Variants in SAMM50 observed in about 807,000 individuals in gnomAD.
The protein encoded by SAMM50 is SAMM50 sorting and assembly machinery component, also known as sorting and assembly machinery component 50 homolog.
Under a neutral mutation model 66.9 loss-of-function variants are expected in SAMM50, and 47 were observed. The ratio of observed to expected loss-of-function variants is 0.70; its 90% CI spans 0.56 to 0.90. The LOEUF is 0.90. SAMM50 is among the 40% of genes least tolerant of loss of function. The pLI, the probability that SAMM50 is intolerant of heterozygous loss-of-function variation, is 0.00. For missense variants in SAMM50, 535 were observed against 595.3 expected (o/e 0.90, Z 1.05); for synonymous variants, 191 against 214.1 (o/e 0.89, Z 0.94).
At chr22:43,990,173 C>T in intron 13 of SAMM50, 92 bp from the exon 14 acceptor site, 2 of 1,505,328 alleles carry the variant, frequency 1.3e-6, no homozygotes, top group Non-Finnish European at 1.8e-6. Flanking sequence ...ACTGCAGGGC[C>T]CAGCCAGGGG....
chr22:43,965,148 C>G (rs1469396933), intron 3 of SAMM50, among the ~76,000 whole-genome samples: 2 of 145,916 alleles, frequency 1.4e-5, no homozygotes, highest in African/African-American at 5.2e-5. Flanking sequence ...GACCTTGCAG[C>G]AGCAGCAGTG....
At chr22:43,962,879 T>A (rs1202283973) in intron 1 of SAMM50, among the ~76,000 whole-genome samples, 3 of 144,034 alleles carry the variant, frequency 2.1e-5, no homozygotes, top group Non-Finnish European at 3.0e-5. Flanking sequence ...CCCTTTTGGT[T>A]AATTTTTTTT....
intron 1 of SAMM50, among the ~76,000 whole-genome samples, chr22:43,956,385 C>T (rs1390352551): frequency 6.6e-6 from 1 of 152,184 alleles, no homozygotes; most frequent in East Asian, 1.9e-4. Context: ...TTCAGTAGTT[C>T]CCCATTAACT....
intron 4 of SAMM50, among the ~76,000 whole-genome samples, chr22:43,970,210 C>T (rs916083457): frequency 2.0e-5 from 3 of 150,908 alleles, no homozygotes; most frequent in East Asian, 1.9e-4. Flanking sequence ...CTTGGGCTGG[C>T]GTGGTTTCCT....
At chr22:43,969,060 C>T (rs1449571697) in intron 4 of SAMM50, among the ~76,000 whole-genome samples, 2 of 152,168 alleles carry the variant, frequency 1.3e-5, no homozygotes, top group African/African-American at 4.8e-5. Context: ...TGTGCTCAAG[C>T]GATCTACCTG....
rs1239754814 is a variant in SAMM50 at position 43,976,839 on chromosome 22, G to A, written c.849+18G>A. ...TTAACCAGGTAGTGTTGTTTCACCTGTGACCCCTGCAGGGTGAGGGGAGCC... is the reference window on the plus strand; with the variant it reads ...TTAACCAGGTAGTGTTGTTTCACCTATGACCCCTGCAGGGTGAGGGGAGCC... On this transcript the variant is annotated intron_variant, in intron 9 of 14. Transcript: ENST00000350028. 2 of 1,591,960 alleles carry A rather than the reference G, an allele frequency of 1.3e-6. No homozygotes were observed. The highest frequency in any genetic ancestry group is 1.7e-6 in the Non-Finnish European group (2 of 1,163,612).
Position 43,981,252 on chromosome 22 carries a change from A to T in SAMM50, c.937-139A>T, listed in dbSNP as rs1035737872. The T allele has an allele frequency of 8.9e-6, 6 of 673,624 alleles. No homozygotes were observed. The Admixed American group carries it at 1.1e-4, about 12-fold the overall frequency. The allele number at this position is 673,624 out of a possible 1,614,324, so 41.7% of individuals were successfully genotyped here. Reference sequence around the variant, plus strand: ...AGCTCTGCAACGGGACAAGCCAGGCATTCTCCTGCGGCCCTTGCACCCCAT... The same window carrying T: ...AGCTCTGCAACGGGACAAGCCAGGCTTTCTCCTGCGGCCCTTGCACCCCAT... On this transcript the variant is annotated intron_variant, in intron 10 of 14. Transcript: ENST00000350028.
At chr22:43,993,512 G>A (rs3827386) in intron 14 of SAMM50, among the ~76,000 whole-genome samples, 24,809 of 152,264 alleles carry the variant, frequency 0.16, 2,208 homozygotes, top group South Asian at 0.26. Flanking sequence ...TCAAAATATG[G>A]TTTATTCCGG....
intron 12 of SAMM50, chr22:43,986,988 A>G (rs2050298019): frequency 6.6e-6 from 1 of 152,204 alleles, no homozygotes; most frequent in Non-Finnish European, 1.5e-5. Context: ...ATTACAGTGT[A>G]ATTTTTAAGA....
chr22:43,985,148 A>G (rs1431334366), intron 12 of SAMM50, among the ~76,000 whole-genome samples: 1 of 152,002 alleles, frequency 6.6e-6, no homozygotes, highest in Non-Finnish European at 1.5e-5. Flanking sequence ...TAGCTTCCTT[A>G]TTATTAGCAC....
chr22:43,990,350 C>T lies in SAMM50; in HGVS notation c.1308C>T (p.Asn436=), dbSNP rs2050317115. The change falls in exon 14 of 15, where the codon AAC becomes AAT. Residue 436 remains asparagine (N), a synonymous_variant. Coordinates refer to ENST00000350028, the MANE Select transcript of SAMM50 (RefSeq NM_015380.5). ...CCGGGATTGTCCTCAGGCTTGGCAA[C>T]ATCGCTCGGTTGGAACTTAATTACT... ...YGAGIVLRLG[N]IARLELNYCV... The T allele has an allele frequency of 1.2e-6, 2 of 1,614,176 alleles. No individual in the cohort carries two copies. Among genetic ancestry groups the T allele is most frequent in the East Asian group, 4.5e-5 (2 of 44,874 alleles).
At position 43,963,433 on chromosome 22, in the gene SAMM50, G is replaced by T. The variant is rs140744390; in HGVS notation, c.132+37G>T. The stretch of plus-strand genomic sequence containing the variant: ...GTTGAAGGTCTTGATAGAATTGTTA[G>T]TGGAAACATTCACTTCCATACACCA... On this transcript the variant is annotated intron_variant, in intron 2 of 14. Coordinates refer to ENST00000350028, the MANE Select transcript of SAMM50 (RefSeq NM_015380.5). 1.6e-3 allele frequency: 2,101 copies of T among 1,329,362 alleles called. 18 individuals are homozygous for T. In the African/African-American group the frequency reaches 0.027, roughly 17 times the overall value. The allele number at this position is 1,329,362 out of a possible 1,614,324, so 82.3% of individuals were successfully genotyped here.
chr22:43,996,490 C>G lies in SAMM50; in HGVS notation c.*107C>G, dbSNP rs2050356078. ...GTTCAGCGATTCTTTGACTGCGGAC[C>G]CTGTGGGAAACCCCGTCAATAAATG... On this transcript the variant is annotated 3_prime_UTR_variant, in exon 15 of 15. Transcript: ENST00000350028. 1.9e-6 allele frequency: 2 copies of G among 1,054,208 alleles called. No homozygotes were observed. Among genetic ancestry groups the G allele is most frequent in the African/African-American group, 3.1e-5 (2 of 63,638 alleles). 65.3% of individuals were successfully genotyped at this position (1,054,208 alleles called of 1,614,324 possible).
At chr22:43,996,297 G>A (rs1308382444) in intron 14 of SAMM50, 41 bp from the exon 15 acceptor site, 1 of 1,610,984 alleles carries the variant, frequency 6.2e-7, no homozygotes. Flanking sequence ...TGGCAGGGCT[G>A]GCGGAGCGGC....
chr22:43,963,470 TA>T, intron 2 of SAMM50, 74 bp downstream of exon 2: 1 of 862,280 alleles, frequency 1.2e-6, no homozygotes. Context: ...TAGGGAGATG[TA>T]AAGGAATTAA....
At chr22:43,965,207 C>A (rs371041034) in intron 3 of SAMM50, among the ~76,000 whole-genome samples, 1 of 144,754 alleles carries the variant, frequency 6.9e-6, no homozygotes, top group Non-Finnish European at 1.5e-5. Context: ...AAAAAAGAAT[C>A]TTTTTTCAAT....
chr22:43,968,319 G>A (rs923285765), intron 3 of SAMM50, among the ~76,000 whole-genome samples: 3 of 151,674 alleles, frequency 2.0e-5, no homozygotes, highest in Non-Finnish European at 2.9e-5. Flanking sequence ...AAGAAGATGT[G>A]CATTTCTTCC....
chr22:43,978,634 A>G (rs2050246782), intron 10 of SAMM50, among the ~76,000 whole-genome samples: 1 of 150,628 alleles, frequency 6.6e-6, no homozygotes, highest in Non-Finnish European at 1.5e-5. Flanking sequence ...GTGCTTTCAG[A>G]AATTTTTTTT....
chr22:43,993,023 T>C (rs549029344), intron 14 of SAMM50, among the ~76,000 whole-genome samples: 3 of 152,392 alleles, frequency 2.0e-5, no homozygotes, highest in Admixed American at 1.3e-4. Context: ...TGCAAGTTTC[T>C]TTCTATGAAG....
Sources: allele counts gnomAD v4.1 joint callset (sites outside exome capture counted in the v4.1 genomes callset), GRCh38; gene constraint gnomAD v4.1.1; transcripts MANE v1.5; gene names NCBI Gene and HGNC (gene_info 2026-07-23, HGNC 2026-07-21).